Variants in ACADSB observed in about 807,000 individuals in gnomAD.
ACADSB encodes short/branched chain specific acyl-CoA dehydrogenase, mitochondrial.
A neutral mutation model predicts 54.1 loss-of-function variants in ACADSB; 40 were observed. The ratio of observed to expected loss-of-function variants is 0.74; its 90% CI spans 0.57 to 0.96. The LOEUF (loss-of-function observed/expected upper bound fraction) is 0.96. ACADSB is among the 40% of genes least tolerant of loss of function. ACADSB has a pLI of 0.00. For missense variants in ACADSB, 530 were observed against 510.4 expected (o/e 1.04, Z -0.37); for synonymous variants, 182 against 182.8 (o/e 1.00, Z 0.03).
At chr10:123,022,254 C>G (rs996140238) in intron 1 of ACADSB, among the ~76,000 whole-genome samples, 5 of 152,190 alleles carry the variant, frequency 3.3e-5, no homozygotes, top group Admixed American at 1.3e-4. Context: ...TGAAACAGTT[C>G]ATGGAGGGGA....
chr10:123,040,523 A>T lies in ACADSB; in HGVS notation c.361A>T (p.Thr121Ser). The T allele has an allele frequency of 6.2e-7, 1 of 1,614,070 alleles. No individual in the cohort carries two copies. Among genetic ancestry groups the T allele is most frequent in the African/African-American group, 1.3e-5 (1 of 75,028 alleles). ...YGGTGASFLSTVLVIEELAKV... is the reference protein window; with the variant it reads ...YGGTGASFLSSVLVIEELAKV... The stretch of plus-strand genomic sequence containing the variant: ...AGGCACAGGAGCTTCATTTTTATCC[A>T]CTGTGCTCGTGATAGAGGAATTAGC... The change falls in exon 4 of 11, where the codon ACT (threonine) becomes TCT (serine). Residue 121 changes from threonine (T) to serine (S), a missense_variant. By Grantham distance (58) the Thr-to-Ser change is moderately conservative. Transcript: ENST00000358776.
At chr10:123,019,687 T>C (rs148682369) in intron 1 of ACADSB, among the ~76,000 whole-genome samples, 2 of 152,374 alleles carry the variant, frequency 1.3e-5, no homozygotes, top group African/African-American at 4.8e-5. Context: ...TACAATATGA[T>C]ACAGCAAGCT....
At chr10:123,047,910 C>T (rs1850580681) in intron 8 of ACADSB, among the ~76,000 whole-genome samples, 1 of 152,206 alleles carries the variant, frequency 6.6e-6, no homozygotes, top group African/African-American at 2.4e-5. Context: ...GTCAGCCAAG[C>T]ACTTGGGTAA....
At chr10:123,044,915 T>C (rs1380637178) in intron 7 of ACADSB, among the ~76,000 whole-genome samples, 1 of 151,850 alleles carries the variant, frequency 6.6e-6, no homozygotes, top group Non-Finnish European at 1.5e-5. Context: ...CTTACTGTTT[T>C]GCATGTGAAA....
chr10:123,039,530 C>T (rs771593307), intron 3 of ACADSB, among the ~76,000 whole-genome samples: 2 of 152,182 alleles, frequency 1.3e-5, no homozygotes, highest in Non-Finnish European at 2.9e-5. Context: ...ACCAGGCCCT[C>T]GTGCTTTGGC....
intron 1 of ACADSB, among the ~76,000 whole-genome samples, chr10:123,014,206 C>T (rs1850082873): frequency 6.6e-6 from 1 of 152,238 alleles, no homozygotes; most frequent in Admixed American, 6.5e-5. Flanking sequence ...TTGCCTTTCT[C>T]TTTGGAATGA....
intron 3 of ACADSB, among the ~76,000 whole-genome samples, chr10:123,040,135 C>T (rs533610022): frequency 6.6e-6 from 1 of 150,824 alleles, no homozygotes; most frequent in Non-Finnish European, 1.5e-5. Context: ...CACCTGAGGT[C>T]AGGGGTTCGA....
intron 1 of ACADSB, among the ~76,000 whole-genome samples, chr10:123,033,672 T>A (rs1850358417): frequency 6.6e-6 from 1 of 152,200 alleles, no homozygotes; most frequent in Non-Finnish European, 1.5e-5. Flanking sequence ...TCCAAGAGGT[T>A]GGTACCTGCA....
At chr10:123,043,721 A>G (rs1157928863) in intron 6 of ACADSB, among the ~76,000 whole-genome samples, 1 of 152,122 alleles carries the variant, frequency 6.6e-6, no homozygotes, top group Non-Finnish European at 1.5e-5. Context: ...ATGTCTTTAC[A>G]GATGTCACTG....
At chr10:123,048,425 A>G (rs1293956642) in intron 8 of ACADSB, among the ~76,000 whole-genome samples, 1 of 151,978 alleles carries the variant, frequency 6.6e-6, no homozygotes, top group Non-Finnish European at 1.5e-5. Context: ...GGCCAAAAGT[A>G]GAGGTTTTTT....
chr10:123,009,116 TG>T lies in ACADSB; in HGVS notation c.42+47del, dbSNP rs1368265148. Reference sequence around the variant, plus strand: ...GCGTCCTGGGGGCCCAGGGCGACCTTGGCCCCTGGAATCGCAGCTGGCAGAG... The same window carrying T: ...GCGTCCTGGGGGCCCAGGGCGACCTTGCCCCTGGAATCGCAGCTGGCAGAG... On this transcript the variant is annotated intron_variant, in intron 1 of 10. Coordinates refer to ENST00000358776, the MANE Select transcript of ACADSB (RefSeq NM_001609.4). The T allele has an allele frequency of 5.7e-5, 88 of 1,534,784 alleles. 1 individual carries two copies. The East Asian group carries it at 2.1e-3, about 37-fold the overall frequency.
rs190620168 is a variant in ACADSB, at chr10:123,052,552, A to G, written c.1129-509A>G. 3.8e-3 allele frequency among the ~76,000 whole-genome samples: 586 copies of G among 152,224 alleles called. 3 individuals carry two copies. Among genetic ancestry groups the G allele is most frequent in the Admixed American group, 7.1e-3 (108 of 15,292 alleles). ...CCTTACCCACATCTGCAGAGTCCCT[A>G]TTGCCATGGAAGGCAGCATATTCAC... On this transcript the variant is annotated intron_variant, in intron 9 of 10. Transcript: ENST00000358776. The surrounding 1 kb of genome is among the most constrained non-coding windows in gnomAD (Gnocchi z 4.2).
Position 123,052,844 on chromosome 10 carries a change from A to G in ACADSB, c.1129-217A>G. ...TGCAGATTCATGTGAACAATGCTCT[A>G]ATTTCTTAAGAAAATGGGGATTCTG... On this transcript the variant is annotated intron_variant, in intron 9 of 10. Coordinates refer to ENST00000358776, the MANE Select transcript of ACADSB (RefSeq NM_001609.4). This position sits in a 1 kb window ranked among gnomAD's most constrained non-coding sequence, Gnocchi z 4.2. The G allele has an allele frequency of 3.4e-6, 2 of 591,524 alleles. No homozygotes were observed. Among genetic ancestry groups the G allele is most frequent in the Non-Finnish European group, 6.1e-6 (2 of 326,316 alleles). The allele number at this position is 591,524 out of a possible 1,614,324, so 36.6% of individuals were successfully genotyped here. A position where few individuals can be genotyped will look rare whatever the true frequency, so the allele number is the denominator to read the frequency against.
At chr10:123,032,093 C>T (rs989425761) in intron 1 of ACADSB, among the ~76,000 whole-genome samples, 6 of 151,914 alleles carry the variant, frequency 3.9e-5, no homozygotes, top group African/African-American at 7.3e-5. Flanking sequence ...AATTCTCCTG[C>T]CTCAGCCTCC....
At chr10:123,015,026 A>C (rs1423556050) in intron 1 of ACADSB, among the ~76,000 whole-genome samples, 1 of 152,264 alleles carries the variant, frequency 6.6e-6, no homozygotes, top group Non-Finnish European at 1.5e-5. Context: ...TCTCCAATCT[A>C]GGAAGCTAGA....
At chr10:123,020,903 T>C (rs1220872313) in intron 1 of ACADSB, among the ~76,000 whole-genome samples, 1 of 152,216 alleles carries the variant, frequency 6.6e-6, no homozygotes, top group African/African-American at 2.4e-5. Context: ...CTCAGGAGGC[T>C]GAGGCAGGAG....
chr10:123,041,473 T>C, intron 5 of ACADSB, 94 bp downstream of exon 5: 2 of 1,323,192 alleles, frequency 1.5e-6, no homozygotes, highest in Non-Finnish European at 2.2e-6. Flanking sequence ...TAGGACTTCA[T>C]CTTGAACTCT....
chr10:123,038,265 C>T (rs73373606), intron 3 of ACADSB, among the ~76,000 whole-genome samples: 15,666 of 152,170 alleles, frequency 0.1, 937 homozygotes, highest in East Asian at 0.14. Flanking sequence ...AAGAATTATC[C>T]AACCCAATGC....
chr10:123,051,915 A>G lies in ACADSB; in HGVS notation c.1128+729A>G, dbSNP rs191228535. ...GGCACCCTGCTTTCCCTCACCCCCCACATTGAGTCCAGCATCATTTCCTAT... is the reference window on the plus strand; with the variant it reads ...GGCACCCTGCTTTCCCTCACCCCCCGCATTGAGTCCAGCATCATTTCCTAT... On this transcript the variant is annotated intron_variant, in intron 9 of 10. Coordinates refer to ENST00000358776, the MANE Select transcript of ACADSB (RefSeq NM_001609.4). Among the ~76,000 whole-genome samples the G allele has an allele frequency of 2.8e-3, 424 of 152,112 alleles. 1 individual carries two copies. The highest frequency in any genetic ancestry group is 9.8e-3 in the African/African-American group (408 of 41,464).
Sources: allele counts gnomAD v4.1 joint callset (sites outside exome capture counted in the v4.1 genomes callset), GRCh38; gene constraint gnomAD v4.1.1; non-coding constraint Gnocchi (gnomAD v3.1); transcripts MANE v1.5; gene names NCBI Gene and HGNC (gene_info 2026-07-23, HGNC 2026-07-21).